KCNQ5: variants seen among roughly 807,000 people sequenced by gnomAD.
KCNQ5 encodes potassium voltage-gated channel subfamily KQT member 5.
KCNQ5 carries 30 observed loss-of-function variants against 98.2 expected under a neutral mutation model. That is an observed-to-expected ratio of 0.31 (90% CI 0.23 to 0.41). The LOEUF (loss-of-function observed/expected upper bound fraction) is 0.41, where lower values mean the gene tolerates loss of function less well. Among genes scored for constraint, KCNQ5 ranks in the 10% least tolerant of loss-of-function variants. The pLI is 1.00. For synonymous variants in KCNQ5, 458 were observed against 449.4 expected, an observed-to-expected ratio of 1.02 and a Z score of -0.24; for missense variants, 835 against 1,182.5, an observed-to-expected ratio of 0.71 and a Z score of 4.31.
At chr6:72,871,137 T>C (rs1404576120) in intron 1 of KCNQ5, among the ~76,000 whole-genome samples, 1 of 152,184 alleles carries the variant, frequency 6.6e-6, no homozygotes, top group Non-Finnish European at 1.5e-5. Flanking sequence ...GCCTCAATAT[T>C]ATCACCACGA....
intron 1 of KCNQ5, among the ~76,000 whole-genome samples, chr6:72,814,943 A>G (rs575066255): frequency 1.3e-5 from 2 of 152,352 alleles, no homozygotes; most frequent in East Asian, 3.9e-4. Flanking sequence ...TTAATTTTAT[A>G]TGAATTTGTG....
At chr6:73,041,295 C>A (rs1037520547) in intron 2 of KCNQ5, among the ~76,000 whole-genome samples, 1 of 152,180 alleles carries the variant, frequency 6.6e-6, no homozygotes, top group Non-Finnish European at 1.5e-5. Flanking sequence ...GTTTTCTAGG[C>A]AGCTCTTGCC....
At chr6:72,949,971 C>G (rs556933831) in intron 1 of KCNQ5, among the ~76,000 whole-genome samples, 1 of 152,086 alleles carries the variant, frequency 6.6e-6, no homozygotes, top group African/African-American at 2.4e-5. Context: ...TTAAAACTCT[C>G]TTGTACAATC....
intron 1 of KCNQ5, among the ~76,000 whole-genome samples, chr6:72,771,311 C>T (rs1251608279): frequency 6.6e-6 from 1 of 152,018 alleles, no homozygotes; most frequent in Non-Finnish European, 1.5e-5. Flanking sequence ...ATAAATATAT[C>T]TTGACTTAAA....
chr6:72,787,770 T>C (rs754402347), intron 1 of KCNQ5, among the ~76,000 whole-genome samples: 10 of 152,204 alleles, frequency 6.6e-5, no homozygotes, highest in Non-Finnish European at 1.2e-4. Context: ...GACCTTGATG[T>C]TCCTACATTT....
chr6:72,938,989 A>G (rs1766095274), intron 1 of KCNQ5, among the ~76,000 whole-genome samples: 1 of 152,216 alleles, frequency 6.6e-6, no homozygotes, highest in Non-Finnish European at 1.5e-5. Context: ...TGTAAGACAT[A>G]CAATATCTAA....
chr6:73,186,752 T>C (rs1036218371), intron 11 of KCNQ5, among the ~76,000 whole-genome samples: 2 of 152,204 alleles, frequency 1.3e-5, no homozygotes, highest in African/African-American at 4.8e-5. Flanking sequence ...TAAGTCTATG[T>C]AATTTAATTT....
At position 72,832,514 on chromosome 6, in the gene KCNQ5, G is replaced by A. The variant is rs1468659827; in HGVS notation, c.399-171394G>A. On this transcript the variant is annotated intron_variant, in intron 1 of 13. Transcript: ENST00000370398. ...CAGCCCCACAACAAAGGATTCTCTGGCCCAAAATGTCAACAGTGCCAAGGT... is the reference window on the plus strand; with the variant it reads ...CAGCCCCACAACAAAGGATTCTCTGACCCAAAATGTCAACAGTGCCAAGGT... Among the ~76,000 whole-genome samples the A allele has an allele frequency of 4.6e-5, 7 of 152,078 alleles. No homozygotes were observed. The East Asian group carries it at 9.7e-4, about 21-fold the overall frequency.
intron 11 of KCNQ5, among the ~76,000 whole-genome samples, chr6:73,185,103 G>T (rs376189055): frequency 6.6e-6 from 1 of 152,142 alleles, no homozygotes; most frequent in Admixed American, 6.5e-5. Flanking sequence ...ATTACAGTGT[G>T]GTGTGTTAGG....
chr6:72,753,038 T>C (rs1771767026), intron 1 of KCNQ5, among the ~76,000 whole-genome samples: 1 of 152,142 alleles, frequency 6.6e-6, no homozygotes, highest in Admixed American at 6.6e-5. Context: ...AGAAGACCTG[T>C]GCATTCATGT....
intron 10 of KCNQ5, among the ~76,000 whole-genome samples, chr6:73,145,955 G>A (rs180701115): frequency 2.5e-4 from 38 of 152,198 alleles, no homozygotes; most frequent in Admixed American, 8.5e-4. Context: ...AAGTGAGAGT[G>A]AAGGGGGAAG....
chr6:72,988,377 C>A lies in KCNQ5; in HGVS notation c.399-15531C>A, dbSNP rs75603715. On this transcript the variant is annotated intron_variant, in intron 1 of 13. Transcript: ENST00000370398. ...TCCCAACATGGATGAAACTGGAGGC[C>A]AAAGTCCTAAGCAAATTAGTACAGG... is the stretch of plus-strand genomic sequence containing the variant. Among the ~76,000 whole-genome samples, 326 of 152,186 alleles carry A rather than the reference C, an allele frequency of 2.1e-3. 2 individuals are homozygous for A. Among genetic ancestry groups the A allele is most frequent in the Non-Finnish European group, 1.1e-3 (77 of 68,002 alleles).
chr6:72,720,644 G>A (rs191600834), intron 1 of KCNQ5, among the ~76,000 whole-genome samples: 33 of 152,258 alleles, frequency 2.2e-4, no homozygotes, highest in Admixed American at 1.6e-3. Flanking sequence ...TCATCAGTGC[G>A]GAGTGATATG....
intron 5 of KCNQ5, among the ~76,000 whole-genome samples, chr6:73,097,817 C>T (rs7776435): frequency 0.73 from 111,763 of 152,172 alleles, 45,934 homozygotes; most frequent in South Asian, 0.94. Flanking sequence ...GCTTGGGGTA[C>T]CCCTTAATGC....
chr6:72,762,008 G>A (rs142765378), intron 1 of KCNQ5, among the ~76,000 whole-genome samples: 1 of 152,124 alleles, frequency 6.6e-6, no homozygotes, highest in Non-Finnish European at 1.5e-5. Flanking sequence ...AAAGCTGTGG[G>A]TCTCACAGAC....
chr6:73,004,440 A>G (rs1769728928), intron 2 of KCNQ5, among the ~76,000 whole-genome samples: 1 of 152,224 alleles, frequency 6.6e-6, no homozygotes, highest in South Asian at 2.1e-4. Flanking sequence ...GCACCTCATA[A>G]GAAAATAGAA....
chr6:72,869,036 C>A (rs1435918454), intron 1 of KCNQ5, among the ~76,000 whole-genome samples: 1 of 152,028 alleles, frequency 6.6e-6, no homozygotes, highest in Non-Finnish European at 1.5e-5. Flanking sequence ...ATAATGGATA[C>A]CCAATTACCC....
At chr6:72,788,883 C>CT (rs1206741344) in intron 1 of KCNQ5, among the ~76,000 whole-genome samples, 1 of 152,164 alleles carries the variant, frequency 6.6e-6, no homozygotes, top group Non-Finnish European at 1.5e-5. Flanking sequence ...ATAGGCCATC[C>CT]TAAAAACCTT....
intron 1 of KCNQ5, among the ~76,000 whole-genome samples, chr6:72,814,843 C>T (rs899152080): frequency 1.3e-5 from 2 of 152,156 alleles, no homozygotes; most frequent in South Asian, 4.1e-4. Flanking sequence ...AAGCAGAATA[C>T]CCTCACTTAG....
Sources: gnomAD v4.1 joint callset for allele counts (sites outside exome capture counted in the v4.1 genomes callset) on GRCh38, gnomAD v4.1.1 for gene constraint, MANE v1.5 for transcripts, NCBI Gene and HGNC (gene_info 2026-07-23, HGNC 2026-07-21) for gene names.